The following SPG11 variants were observed in gnomAD, a reference collection of about 807,000 sequenced individuals.
SPG11 encodes the protein SPG11 vesicle trafficking associated, spatacsin.
In SPG11, 222 loss-of-function variants were observed where a neutral mutation model predicts 274.0. That is an observed-to-expected ratio of 0.81 (90% CI 0.73 to 0.91). The LOEUF is 0.91. SPG11 is among the 40% of genes least tolerant of loss of function. The pLI, the probability that SPG11 is intolerant of heterozygous loss-of-function variation, is 0.00. For missense variants in SPG11, 3,114 were observed against 2,872.7 expected, an observed-to-expected ratio of 1.08 and a Z score of -1.92; for synonymous variants, 1,144 against 1,039.7, an observed-to-expected ratio of 1.10 and a Z score of -1.93.
chr15:44,585,516 T>A (rs973706450), intron 29 of SPG11, 120 bp downstream of exon 29: 6 of 761,720 alleles, frequency 7.9e-6, no homozygotes, highest in Non-Finnish European at 1.1e-5. Flanking sequence ...GCAGGAGAAT[T>A]GCATGAACCC....
intron 7 of SPG11, among the ~76,000 whole-genome samples, chr15:44,643,995 C>T (rs1235834090): frequency 2.6e-5 from 4 of 151,746 alleles, no homozygotes; most frequent in African/African-American, 7.3e-5. Flanking sequence ...AACCCTGTCT[C>T]TACTAAAAAT....
chr15:44,632,589 C>T (rs1221567024), intron 8 of SPG11, among the ~76,000 whole-genome samples: 2 of 151,530 alleles, frequency 1.3e-5, no homozygotes, highest in African/African-American at 4.9e-5. Flanking sequence ...TAGATCACTG[C>T]AGCCTAGACC....
chr15:44,563,732 T>C (rs2082247215), intron 39 of SPG11, among the ~76,000 whole-genome samples: 2 of 152,214 alleles, frequency 1.3e-5, no homozygotes, highest in Non-Finnish European at 2.9e-5. Flanking sequence ...TGGGCTCAGC[T>C]GCTTCTCTTG....
chr15:44,663,114 C>T (rs2085164922), intron 1 of SPG11, among the ~76,000 whole-genome samples: 2 of 152,274 alleles, frequency 1.3e-5, no homozygotes, highest in Non-Finnish European at 2.9e-5. Flanking sequence ...GAGACCCGTT[C>T]CGGGTTCGCC....
At chr15:44,624,959 A>AC (rs2083857256) in intron 11 of SPG11, among the ~76,000 whole-genome samples, 1 of 152,020 alleles carries the variant, frequency 6.6e-6, no homozygotes, top group African/African-American at 2.4e-5. Flanking sequence ...ACATGGAGAA[A>AC]CCCCGTCTCT....
At chr15:44,625,005 G>A (rs142291746) in intron 11 of SPG11, among the ~76,000 whole-genome samples, 79 of 152,070 alleles carry the variant, frequency 5.2e-4, no homozygotes, top group South Asian at 1.9e-3. Flanking sequence ...GCATGGTGGC[G>A]CATGCTGTAA....
At chr15:44,627,307 C>T (rs2083929224) in intron 10 of SPG11, among the ~76,000 whole-genome samples, 1 of 152,186 alleles carries the variant, frequency 6.6e-6, no homozygotes, top group Admixed American at 6.6e-5. Flanking sequence ...AGAAAGGAGG[C>T]ACTCTTAACC....
At position 44,652,186 on chromosome 15, in the gene SPG11, T is replaced by A. The variant is rs1486609740; in HGVS notation, c.950A>T (p.Asp317Val). 1 of 1,614,024 alleles carries A rather than the reference T, an allele frequency of 6.2e-7. No homozygotes were observed. The highest frequency in any genetic ancestry group is 8.5e-7 in the Non-Finnish European group (1 of 1,180,008). ...CATGTTGTAGGCAGAGTTAACAGGATCATCTTCATCTACGCCCTTAGGTCC... is the reference window on the plus strand; with the variant it reads ...CATGTTGTAGGCAGAGTTAACAGGAACATCTTCATCTACGCCCTTAGGTCC... ...IQGPKGVDED[D>V]PVNSAYNMKL... Residue 317 changes from aspartate (D) to valine (V), a missense_variant, in exon 5 of 40, where the codon GAT becomes GTT. Transcript: ENST00000261866.
intron 30 of SPG11, among the ~76,000 whole-genome samples, chr15:44,577,116 C>G (rs2140935296): frequency 6.6e-6 from 1 of 152,322 alleles, no homozygotes; most frequent in Middle Eastern, 3.4e-3. Context: ...GCATGAGCCA[C>G]TGTGCCCAGT....
rs1396440197 is a variant in SPG11 at position 44,600,621 on chromosome 15, G to A, written c.3532C>T (p.His1178Tyr). 7 of 1,613,800 alleles carry A rather than the reference G, an allele frequency of 4.3e-6. No individual in the cohort carries two copies. Among genetic ancestry groups the A allele is most frequent in the East Asian group, 2.2e-5 (1 of 44,894 alleles). Residue 1178 changes from histidine to tyrosine, a missense_variant, in exon 21 of 40, where the codon CAT becomes TAT. By Grantham distance (83) the His-to-Tyr change is moderately conservative. Transcript: ENST00000261866. ...NTLAIGDAWS[H>Y]LPHFSSPDLV... ...TCAGGGCTAGAGAAATGTGGGAGAT[G>A]ACTCCATGCATCTAGGGGGAAAGTA...
chr15:44,563,284 G>A lies in SPG11; in HGVS notation c.7169C>T (p.Pro2390Leu). 6.2e-7 allele frequency: 1 copy of A among 1,613,368 alleles called. No individual in the cohort carries two copies. The change falls in exon 40 of 40, where the codon CCT becomes CTT. Residue 2390 changes from proline to leucine, a missense_variant. Transcript: ENST00000261866. ...EISKKYKQHQ[P>L]TDMVMENLKK... ...CAGGTTTTCCATGACCATGTCAGTA[G>A]GCTGATGTTGTTTATATCTAGATAA...
At position 44,598,363 on chromosome 15, in the gene SPG11, T is replaced by C. The variant is rs1210296588; in HGVS notation, c.3903A>G (p.Leu1301=). The change falls in exon 23 of 40, where the codon CTA becomes CTG. Residue 1301 remains leucine, a synonymous_variant. Coordinates refer to ENST00000261866, the MANE Select transcript of SPG11 (RefSeq NM_025137.4). ...SFIRESVAEK[L]SKLADGEKTT... ...TCTTTTCACCATCAGCTAGTTTAGA[T>C]AGTTTTTCGGCTGTAAGAAATATAA... 1.2e-6 allele frequency: 2 copies of C among 1,613,770 alleles called. No homozygotes were observed. Among genetic ancestry groups the C allele is most frequent in the African/African-American group, 2.7e-5 (2 of 74,940 alleles).
chr15:44,627,949 C>A (rs919161647), intron 10 of SPG11, among the ~76,000 whole-genome samples: 23 of 152,144 alleles, frequency 1.5e-4, no homozygotes, highest in Non-Finnish European at 2.8e-4. Flanking sequence ...AGTCACACCA[C>A]GTACTTTAAT....
intron 16 of SPG11, among the ~76,000 whole-genome samples, chr15:44,614,274 G>A (rs2083536048): frequency 6.6e-6 from 1 of 152,066 alleles, no homozygotes; most frequent in South Asian, 2.1e-4. Flanking sequence ...TGCCCAGGCT[G>A]GAGTGCAGTG....
intron 6 of SPG11, 85 bp downstream of exon 6, chr15:44,651,406 G>T: frequency 8.5e-7 from 1 of 1,174,608 alleles, no homozygotes; most frequent in South Asian, 1.3e-5. Context: ...TTAAAGGCAA[G>T]AGCAGGCACT....
intron 6 of SPG11, 68 bp from the exon 7 acceptor site, chr15:44,649,079 A>AT: frequency 8.0e-7 from 1 of 1,247,776 alleles, no homozygotes; most frequent in Non-Finnish European, 1.2e-6. Flanking sequence ...TTAGGAATTG[A>AT]TTTTTAATTA....
intron 34 of SPG11, 82 bp downstream of exon 34, chr15:44,570,443 C>T (rs2082398369): frequency 2.2e-5 from 35 of 1,580,558 alleles, no homozygotes; most frequent in Non-Finnish European, 2.2e-5. Flanking sequence ...ACGACTACAT[C>T]AGCTCTGGGC....
chr15:44,580,336 A>G (rs944493587), intron 30 of SPG11, among the ~76,000 whole-genome samples: 1 of 152,250 alleles, frequency 6.6e-6, no homozygotes, highest in South Asian at 2.1e-4. Context: ...TAAGATGTTT[A>G]CACAGTGATG....
At position 44,595,357 on chromosome 15, in the gene SPG11, G is replaced by C; in HGVS notation, c.4537C>G (p.His1513Asp). Residue 1513 changes from histidine (H) to aspartate (D), a missense_variant, in exon 26 of 40, where the codon CAT becomes GAT. Coordinates refer to ENST00000261866, the MANE Select transcript of SPG11 (RefSeq NM_025137.4). ...MGHIQDSTED[H>D]TWNLEDLSVI... ...GAAAGATCCTCAAGGTTCCAGGTAT[G>C]GTCCTCTGTTGAGTCCTGAATGTGT... 1 of 1,614,130 alleles carries C rather than the reference G, an allele frequency of 6.2e-7. No homozygotes were observed. Among genetic ancestry groups the C allele is most frequent in the East Asian group, 2.2e-5 (1 of 44,882 alleles).
Sources: gnomAD v4.1 joint callset for allele counts (sites outside exome capture counted in the v4.1 genomes callset) on GRCh38, gnomAD v4.1.1 for gene constraint, MANE v1.5 for transcripts, NCBI Gene and HGNC (gene_info 2026-07-23, HGNC 2026-07-21) for gene names.